The following HOXB3 variants were observed in gnomAD, a reference collection of about 807,000 sequenced individuals.
The protein encoded by HOXB3 is homeobox protein Hox-B3.
HOXB3 carries 17 observed loss-of-function variants against 29.2 expected under a neutral mutation model. The ratio of observed to expected loss-of-function variants is 0.58; its 90% confidence interval spans 0.40 to 0.87. The LOEUF is 0.87. Ranked by LOEUF, HOXB3 falls within the 40% of genes least tolerant of loss-of-function variation. The probability of loss-of-function intolerance (pLI) is 0.00; values close to 1 mark genes in which losing one functional copy is unlikely to be tolerated. For synonymous variants in HOXB3, 317 were observed against 285.9 expected (o/e 1.11, Z -1.10); for missense variants, 637 against 616.3 (o/e 1.03, Z -0.35).
At chr17:48,568,031 C>T (rs897461793) in intron 2 of HOXB3, among the ~76,000 whole-genome samples, 13 of 152,184 alleles carry the variant, frequency 8.5e-5, no homozygotes. Flanking sequence ...AATAATGTAA[C>T]GGAACCCCTC....
rs1276155889 is a variant in HOXB3, at chr17:48,549,347, A to T, written c.*987T>A. ...ACTTCTGCAGGCCCAGACATCTCTCACAGTTGTTTTTACATCCATTAAAAT... is the reference window on the plus strand; with the variant it reads ...ACTTCTGCAGGCCCAGACATCTCTCTCAGTTGTTTTTACATCCATTAAAAT... On this transcript the variant is annotated 3_prime_UTR_variant, in exon 5 of 5. Coordinates refer to ENST00000498678, the MANE Select transcript of HOXB3 (RefSeq NM_001384749.1). 6.6e-6 allele frequency: 1 copy of T among 152,622 alleles called. No individual in the cohort carries two copies. Among genetic ancestry groups the T allele is most frequent in the African/African-American group, 2.4e-5 (1 of 41,440 alleles). 9.5% of individuals were successfully genotyped at this position (152,622 alleles called of 1,614,324 possible).
chr17:48,554,349 T>C lies in HOXB3; in HGVS notation c.-159+1182A>G. ...ACAGCAATAATAATGATGACGATGA[T>C]GATGATAGTAATAATAATAAAACAA... On this transcript the variant is annotated intron_variant, in intron 3 of 4. Coordinates refer to ENST00000498678, the MANE Select transcript of HOXB3 (RefSeq NM_001384749.1). This position sits in a 1 kb window ranked among gnomAD's most constrained non-coding sequence, Gnocchi z 4.1. 2.5e-6 allele frequency: 1 copy of C among 407,648 alleles called. No individual in the cohort carries two copies. Among genetic ancestry groups the C allele is most frequent in the South Asian group, 3.1e-5 (1 of 32,470 alleles). 25.3% of individuals were successfully genotyped at this position (407,648 alleles called of 1,614,324 possible). A position where few individuals can be genotyped will look rare whatever the true frequency, so the allele number is the denominator to read the frequency against.
At position 48,550,866 on chromosome 17, in the gene HOXB3, G is replaced by A. The variant is rs368031900; in HGVS notation, c.764C>T (p.Ser255Leu). The stretch of plus-strand genomic sequence containing the variant: ...GCCGGCTGGAGATGGGCCCCCCGAC[G>A]ACGAGGCCAATCCCTTGGCCTTCTG... Reference protein sequence around the residue: ...KDQKAKGLASSSGGPSPAGSP... With the variant: ...KDQKAKGLASLSGGPSPAGSP... The change falls in exon 5 of 5, where the codon TCG becomes TTG. Residue 255 changes from serine (S) to leucine (L), a missense_variant. By Grantham distance (145) the Ser-to-Leu change is moderately radical. Transcript: ENST00000498678. 1.7e-4 allele frequency: 271 copies of A among 1,613,954 alleles called. 3 individuals are homozygous for A. The South Asian group carries it at 2.8e-3, about 16-fold the overall frequency.
In HOXB3 at chr17:48,551,085, G is replaced by C. The variant is rs2068716524; in HGVS notation, c.545C>G (p.Pro182Arg). The change falls in exon 5 of 5, where the codon CCC becomes CGC. Residue 182 changes from proline to arginine, a missense_variant. Coordinates refer to ENST00000498678, the MANE Select transcript of HOXB3 (RefSeq NM_001384749.1). Reference protein sequence around the residue: ...GGGGGGGDKSPPGSAASKRAR... With the variant: ...GGGGGGGDKSRPGSAASKRAR... ...CCGCTTGGACGCCGCCGACCCCGGG[G>C]GGCTCTTGTCCCCTCCCCCGCCGCC... 1 of 1,508,992 alleles carries C rather than the reference G, an allele frequency of 6.6e-7. No individual in the cohort carries two copies. The highest frequency in any genetic ancestry group is 1.4e-5 in the African/African-American group (1 of 70,078). 93.5% of individuals were successfully genotyped at this position (1,508,992 alleles called of 1,614,324 possible). A position where few individuals can be genotyped will look rare whatever the true frequency, so the allele number is the denominator to read the frequency against.
chr17:48,576,666 C>T, intron 1 of HOXB3: 1 of 1,270,142 alleles, frequency 7.9e-7, no homozygotes, highest in Non-Finnish European at 1.1e-6. Context: ...CACCCCATCC[C>T]CTGCACTCAC....
intron 3 of HOXB3, 70 bp downstream of exon 3, chr17:48,555,461 A>T: frequency 2.9e-6 from 2 of 701,038 alleles, no homozygotes; most frequent in African/African-American, 1.7e-5. Context: ...TTGGAGTCAT[A>T]TGGGCCATAA....
chr17:48,572,961 T>A, intron 2 of HOXB3, among the ~76,000 whole-genome samples: 1 of 152,116 alleles, frequency 6.6e-6, no homozygotes, highest in Non-Finnish European at 1.5e-5. Context: ...GGCCTCTCCA[T>A]GAACTCTCTC....
chr17:48,582,900 T>C (rs1374730055), intron 1 of HOXB3, among the ~76,000 whole-genome samples: 1 of 152,200 alleles, frequency 6.6e-6, no homozygotes, highest in Non-Finnish European at 1.5e-5. Flanking sequence ...TTTTGAGGCC[T>C]GAGAATGAGG....
intron 1 of HOXB3, chr17:48,577,955 CA>C: frequency 7.6e-7 from 1 of 1,320,712 alleles, no homozygotes; most frequent in Non-Finnish European, 9.7e-7. Context: ...GTTCTGGGCG[CA>C]GGGAGGCGGC....
rs1222588947 is a variant in HOXB3 at position 48,590,149 on chromosome 17, C to T, written c.-449G>A. ...CTGCGGGAATGCTGGCCTGGGCCGC[C>T]GCTGCCTTCTGGGCTGGTCCGGCTG... On this transcript the variant is annotated 5_prime_UTR_variant, in exon 1 of 5. Transcript: ENST00000498678. 2 of 152,240 alleles carry T rather than the reference C, an allele frequency of 1.3e-5. No homozygotes were observed. Among genetic ancestry groups the T allele is most frequent in the African/African-American group, 2.4e-5 (1 of 41,466 alleles). 9.4% of individuals were successfully genotyped at this position (152,240 alleles called of 1,614,324 possible).
chr17:48,566,723 C>T (rs1037235027), intron 2 of HOXB3, among the ~76,000 whole-genome samples: 9 of 152,152 alleles, frequency 5.9e-5, no homozygotes, highest in African/African-American at 2.2e-4. Flanking sequence ...TCATGTCCCT[C>T]CTCCTCCCCA....
At position 48,572,698 on chromosome 17, in the gene HOXB3, A is replaced by C. The variant is rs572359073; in HGVS notation, c.-247+1139T>G. Among the ~76,000 whole-genome samples, 148 of 152,282 alleles carry C rather than the reference A, an allele frequency of 9.7e-4. 3 individuals carry two copies. The highest frequency in any genetic ancestry group is 9.1e-4 in the Non-Finnish European group (62 of 68,016). ...CTGGACCCTTGGGCTAAAAATCTTT[A>C]CGTTTTTTTCCCCCAGTGGGCAGTA... On this transcript the variant is annotated intron_variant, in intron 2 of 4. Transcript: ENST00000498678.
At chr17:48,579,915 A>G (rs1161287321) in intron 1 of HOXB3, 4 of 521,706 alleles carry the variant, frequency 7.7e-6, no homozygotes, top group Non-Finnish European at 1.6e-5. Context: ...ACAAATTCGG[A>G]TCTACAGGGT....
chr17:48,589,778 G>C (rs2070114831), intron 1 of HOXB3, among the ~76,000 whole-genome samples: 1 of 152,132 alleles, frequency 6.6e-6, no homozygotes, highest in Admixed American at 6.5e-5. Context: ...AAGATATCCA[G>C]CAGTGAAGTG....
chr17:48,556,612 C>CG (rs1177326231), intron 2 of HOXB3: 5 of 149,698 alleles, frequency 3.3e-5, no homozygotes, highest in African/African-American at 1.2e-4. Flanking sequence ...AGACAACAAG[C>CG]GGTGAGTGAT....
At chr17:48,577,032 C>A in intron 1 of HOXB3, 1 of 1,569,878 alleles carries the variant, frequency 6.4e-7, no homozygotes, top group South Asian at 1.2e-5. Context: ...TGGACACACA[C>A]GGAGAGAGGG....
In HOXB3 at chr17:48,549,895, TGAG is replaced by T. The variant is rs2068648432; in HGVS notation, c.*436_*438del. On this transcript the variant is annotated 3_prime_UTR_variant, in exon 5 of 5. Transcript: ENST00000498678. ...GTTTTCTTATTTTTTAAAGGATAAT[TGAG>T]GAAAAAAAAAAATCAAGATTTGGGG... is the stretch of plus-strand genomic sequence containing the variant. The T allele has an allele frequency of 1.3e-5, 1 of 75,454 alleles. No individual in the cohort carries two copies. The highest frequency in any genetic ancestry group is 2.4e-4 in the East Asian group (1 of 4,104). 4.7% of individuals were successfully genotyped at this position (75,454 alleles called of 1,614,324 possible).
At chr17:48,579,766 G>T (rs2069885140) in intron 1 of HOXB3, 1 of 321,340 alleles carries the variant, frequency 3.1e-6, no homozygotes, top group Non-Finnish European at 6.2e-6. Context: ...CGTGTGGCCA[G>T]TCACCAGACT....
intron 4 of HOXB3, 190 bp from the exon 5 acceptor site, chr17:48,551,371 C>T (rs2068736364): frequency 1.9e-6 from 1 of 522,262 alleles, no homozygotes; most frequent in East Asian, 4.5e-5. Context: ...AGCGGACACT[C>T]TATAATAGTG....
Sources: allele counts gnomAD v4.1 joint callset (sites outside exome capture counted in the v4.1 genomes callset), GRCh38; gene constraint gnomAD v4.1.1; non-coding constraint Gnocchi (gnomAD v3.1); transcripts MANE v1.5; gene names NCBI Gene and HGNC (gene_info 2026-07-23, HGNC 2026-07-21).